CDH13: variants seen among roughly 807,000 people sequenced by gnomAD.
CDH13 encodes cadherin 13.
A neutral mutation model predicts 63.8 loss-of-function variants in CDH13; 24 were observed. That is an observed-to-expected ratio of 0.38 (90% confidence interval 0.27 to 0.53). The LOEUF is 0.53. Among genes scored for constraint, CDH13 ranks in the 20% least tolerant of loss-of-function variants. The probability of loss-of-function intolerance (pLI) is 0.85; values close to 1 mark genes in which losing one functional copy is unlikely to be tolerated. For missense variants in CDH13, 1,049 were observed against 903.1 expected (o/e 1.16, Z -2.07); for synonymous variants, 503 against 355.3 (o/e 1.42, Z -4.67).
intron 1 of CDH13, among the ~76,000 whole-genome samples, chr16:82,682,919 G>T (rs1351055991): frequency 1.3e-5 from 2 of 152,156 alleles, no homozygotes; most frequent in African/African-American, 4.8e-5. Context: ...ATTGCCCACA[G>T]TTCAGGCTGG....
intron 1 of CDH13, among the ~76,000 whole-genome samples, chr16:82,676,094 A>G (rs1913867977): frequency 6.6e-6 from 1 of 152,182 alleles, no homozygotes; most frequent in African/African-American, 2.4e-5. Context: ...TTTGTATCTG[A>G]AAATCTATTT....
chr16:83,256,406 G>T (rs1906264551), intron 5 of CDH13, among the ~76,000 whole-genome samples: 2 of 152,080 alleles, frequency 1.3e-5, no homozygotes, highest in Non-Finnish European at 2.9e-5. Flanking sequence ...ACCCAACCTT[G>T]TCTTCATTTT....
rs568647117 is a variant in CDH13, at chr16:83,551,915, A to G, written c.961-50539A>G. Among the ~76,000 whole-genome samples, 5 of 152,256 alleles carry G rather than the reference A, an allele frequency of 3.3e-5. No individual in the cohort carries two copies. In the South Asian group the frequency reaches 1.0e-3, roughly 32 times the overall value. On this transcript the variant is annotated intron_variant, in intron 7 of 13. Transcript: ENST00000567109. ...AGTTGAAAGAAAAAATGGATGGATG[A>G]ATGGATGGATGGATGGATGGGTAGA...
intron 7 of CDH13, among the ~76,000 whole-genome samples, chr16:83,499,638 A>T (rs1005627996): frequency 6.6e-6 from 1 of 152,252 alleles, no homozygotes; most frequent in Admixed American, 6.5e-5. Flanking sequence ...TTCAACTGTA[A>T]ATCACAGTAA....
intron 1 of CDH13, among the ~76,000 whole-genome samples, chr16:82,774,239 A>C (rs1567519731): frequency 6.6e-6 from 1 of 152,202 alleles, no homozygotes; most frequent in Non-Finnish European, 1.5e-5. Flanking sequence ...AAACAAAAAA[A>C]TAAGAAAGAA....
intron 4 of CDH13, among the ~76,000 whole-genome samples, chr16:83,154,425 G>A (rs954004847): frequency 3.3e-5 from 5 of 151,942 alleles, no homozygotes; most frequent in Non-Finnish European, 7.4e-5. Flanking sequence ...AAATTAGCAA[G>A]GTGTGGTGGC....
At chr16:83,590,953 C>T (rs1555580104) in intron 7 of CDH13, among the ~76,000 whole-genome samples, 1 of 144,418 alleles carries the variant, frequency 6.9e-6, no homozygotes, top group South Asian at 2.2e-4. Context: ...TCTCGTTGCC[C>T]AGGCTGGAGT....
intron 2 of CDH13, among the ~76,000 whole-genome samples, chr16:82,907,695 G>A (rs762868927): frequency 3.3e-5 from 5 of 152,110 alleles, no homozygotes; most frequent in South Asian, 4.1e-4. Context: ...AGAGGTTCCC[G>A]GAACAGCCAC....
chr16:83,487,071 C>G (rs1393339768), intron 7 of CDH13, among the ~76,000 whole-genome samples: 1 of 152,156 alleles, frequency 6.6e-6, no homozygotes, highest in Admixed American at 6.5e-5. Context: ...ATGCCCATGA[C>G]TCCTTTCTCC....
At chr16:83,065,728 AC>A (rs1173367726) in intron 3 of CDH13, among the ~76,000 whole-genome samples, 9 of 91,614 alleles carry the variant, frequency 9.8e-5, no homozygotes, top group African/African-American at 4.5e-4. Context: ...AAACAAAAAA[AC>A]AAAAAAAAAA....
At chr16:82,949,414 A>G (rs958520173) in intron 2 of CDH13, among the ~76,000 whole-genome samples, 1 of 152,034 alleles carries the variant, frequency 6.6e-6, no homozygotes, top group African/African-American at 2.4e-5. Flanking sequence ...TCTTAACTCG[A>G]TGACATGTGC....
chr16:83,530,255 A>G (rs150339714), intron 7 of CDH13, among the ~76,000 whole-genome samples: 55 of 152,334 alleles, frequency 3.6e-4, no homozygotes, highest in East Asian at 2.3e-3. Context: ...GAGAAATATC[A>G]GAAAATTGAG....
chr16:82,736,918 A>G (rs2033702833), intron 1 of CDH13, among the ~76,000 whole-genome samples: 2 of 151,968 alleles, frequency 1.3e-5, no homozygotes, highest in South Asian at 4.2e-4. Flanking sequence ...TCCACCTTTC[A>G]CTTCTCAGAT....
Position 83,122,775 on chromosome 16 carries a change from C to T in CDH13, c.367-2610C>T, listed in dbSNP as rs539797283. Among the ~76,000 whole-genome samples the T allele has an allele frequency of 1.5e-3, 221 of 152,158 alleles. 1 individual carries two copies. The highest frequency in any genetic ancestry group is 6.8e-3 in the Middle Eastern group (2 of 294). ...ACCCTAGATAAAAATTACCTAGTAT[C>T]GGAAGAGTATCTAAAAAGATATTCA... On this transcript the variant is annotated intron_variant, in intron 3 of 13. Transcript: ENST00000567109.
intron 4 of CDH13, among the ~76,000 whole-genome samples, chr16:83,192,865 A>C (rs964771631): frequency 6.6e-6 from 1 of 152,184 alleles, no homozygotes; most frequent in African/African-American, 2.4e-5. Flanking sequence ...GTGCATCTAA[A>C]AGATGAAGGT....
At chr16:83,262,582 T>C (rs1168659164) in intron 5 of CDH13, among the ~76,000 whole-genome samples, 1 of 152,186 alleles carries the variant, frequency 6.6e-6, no homozygotes, top group Non-Finnish European at 1.5e-5. Context: ...TAGAGAATGT[T>C]CTCATTGGAG....
At chr16:83,536,575 G>C (rs376890048) in intron 7 of CDH13, among the ~76,000 whole-genome samples, 1 of 152,120 alleles carries the variant, frequency 6.6e-6, no homozygotes, top group Non-Finnish European at 1.5e-5. Context: ...AGAACAGGCT[G>C]ATGGGTTTTG....
At chr16:82,806,719 G>T (rs1426988841) in intron 1 of CDH13, among the ~76,000 whole-genome samples, 2 of 152,102 alleles carry the variant, frequency 1.3e-5, no homozygotes, top group African/African-American at 4.8e-5. Flanking sequence ...GGGAGAGCTG[G>T]AGAGTTCACA....
At chr16:83,767,190 C>G (rs1003148061) in intron 11 of CDH13, among the ~76,000 whole-genome samples, 8 of 152,078 alleles carry the variant, frequency 5.3e-5, no homozygotes, top group African/African-American at 1.9e-4. Flanking sequence ...ACATGTATAT[C>G]TAGTCCTTTG....
Sources: gnomAD v4.1 joint callset for allele counts (sites outside exome capture counted in the v4.1 genomes callset) on GRCh38, gnomAD v4.1.1 for gene constraint, MANE v1.5 for transcripts, NCBI Gene and HGNC (gene_info 2026-07-23, HGNC 2026-07-21) for gene names.